Variants in PTPN13 observed in about 807,000 individuals in gnomAD.
The protein encoded by PTPN13 is tyrosine-protein phosphatase non-receptor type 13.
PTPN13 carries 191 observed loss-of-function variants against 284.0 expected under a neutral mutation model. The observed-to-expected ratio is 0.67, with a 90% CI of 0.60 to 0.76. The LOEUF (loss-of-function observed/expected upper bound fraction) is 0.76, where lower values mean the gene tolerates loss of function less well. Among genes scored for constraint, PTPN13 ranks in the 30% least tolerant of loss-of-function variants. PTPN13 has a pLI of 0.00. For missense variants in PTPN13, 2,797 were observed against 2,939.9 expected (o/e 0.95, Z 1.12); for synonymous variants, 986 against 1,022.3 (o/e 0.96, Z 0.68).
chr4:86,715,986 T>C (rs1394141998), intron 7 of PTPN13, among the ~76,000 whole-genome samples: 2 of 152,208 alleles, frequency 1.3e-5, no homozygotes, highest in Non-Finnish European at 2.9e-5. Context: ...TCCAAATGCT[T>C]ATCTTATTCT....
At chr4:86,693,096 CTT>C (rs1730212369) in intron 5 of PTPN13, among the ~76,000 whole-genome samples, 1 of 134,794 alleles carries the variant, frequency 7.4e-6, no homozygotes, top group African/African-American at 2.7e-5. Flanking sequence ...AAAAAAAAGA[CTT>C]AGCATTTCAC....
Position 86,745,116 on chromosome 4 carries a change from G to T in PTPN13, c.2638G>T (p.Ala880Ser), listed in dbSNP as rs61757791. The T allele has an allele frequency of 3.3e-4, 526 of 1,609,952 alleles. 2 individuals are homozygous for T. In the African/African-American group the frequency reaches 3.6e-3, roughly 11 times the overall value. ...QMRARQSNQD[A>S]QDIERASFRS... Reference sequence around the variant, plus strand: ...GAGAGCAAGACAGAGCAACCAAGATGCCCAAGATATTGGTAAGGAGAAGCA... The same window carrying T: ...GAGAGCAAGACAGAGCAACCAAGATTCCCAAGATATTGGTAAGGAGAAGCA... Residue 880 changes from alanine to serine, a missense_variant, in exon 17 of 48, where the codon GCC (alanine) becomes TCC (serine). Ala to Ser is a moderately conservative substitution (Grantham distance 99). Transcript: ENST00000411767.
intron 3 of PTPN13, among the ~76,000 whole-genome samples, chr4:86,677,747 T>C (rs891312761): frequency 6.6e-6 from 1 of 152,142 alleles, no homozygotes; most frequent in African/African-American, 2.4e-5. Flanking sequence ...CATACTATGT[T>C]CCACTAGCTA....
chr4:86,766,683 C>G, intron 27 of PTPN13, 166 bp downstream of exon 27: 3 of 451,894 alleles, frequency 6.6e-6, no homozygotes, highest in Non-Finnish European at 7.6e-6. Flanking sequence ...AATTGAAATG[C>G]AAGTATTACA....
At chr4:86,726,635 A>G (rs1734284528) in intron 10 of PTPN13, among the ~76,000 whole-genome samples, 1 of 149,356 alleles carries the variant, frequency 6.7e-6, no homozygotes, top group African/African-American at 2.4e-5. Flanking sequence ...GTGTAGAGAA[A>G]TGTTTGTGAT....
At chr4:86,763,387 T>A (rs1738930842) in intron 24 of PTPN13, among the ~76,000 whole-genome samples, 197 bp downstream of exon 24, 1 of 152,230 alleles carries the variant, frequency 6.6e-6, no homozygotes, top group African/African-American at 2.4e-5. Flanking sequence ...TTTAAATGGC[T>A]ATGACTTTGC....
At chr4:86,648,724 C>T (rs1724730887) in intron 2 of PTPN13, among the ~76,000 whole-genome samples, 1 of 152,078 alleles carries the variant, frequency 6.6e-6, no homozygotes, top group Non-Finnish European at 1.5e-5. Context: ...CACTGATTTC[C>T]TTTGTTTTGG....
intron 2 of PTPN13, among the ~76,000 whole-genome samples, chr4:86,667,988 A>G (rs987958333): frequency 5.3e-5 from 8 of 152,224 alleles, no homozygotes; most frequent in Admixed American, 4.6e-4. Context: ...ATGGATGAAC[A>G]TAAAATGATC....
intron 9 of PTPN13, among the ~76,000 whole-genome samples, chr4:86,717,641 A>G (rs566716208): frequency 6.6e-5 from 10 of 152,248 alleles, no homozygotes; most frequent in Middle Eastern, 3.4e-3. Context: ...GGCTCTAATT[A>G]TTTATAGTTG....
chr4:86,785,333 A>G lies in PTPN13; in HGVS notation c.6221A>G (p.Asn2074Ser), dbSNP rs370519337. The G allele has an allele frequency of 1.9e-6, 3 of 1,611,738 alleles. No homozygotes were observed. Among genetic ancestry groups the G allele is most frequent in the Non-Finnish European group, 2.5e-6 (3 of 1,178,586 alleles). Reference sequence around the variant, plus strand: ...GATGAGGAAGCCCAGAATCTTTTAAACGAAAATAATGCAGCAGGATACTCC... The same window carrying G: ...GATGAGGAAGCCCAGAATCTTTTAAGCGAAAATAATGCAGCAGGATACTCC... ...VVDEEAQNLLNENNAAGYSCG... is the reference protein window; with the variant it reads ...VVDEEAQNLLSENNAAGYSCG... Residue 2074 changes from asparagine (N) to serine (S), a missense_variant, in exon 39 of 48, where the codon AAC becomes AGC. Coordinates refer to ENST00000411767, the MANE Select transcript of PTPN13 (RefSeq NM_080683.3).
chr4:86,710,927 T>C (rs1323868324), intron 7 of PTPN13, among the ~76,000 whole-genome samples: 1 of 151,696 alleles, frequency 6.6e-6, no homozygotes, highest in Non-Finnish European at 1.5e-5. Context: ...AATTCTTTGT[T>C]TTTTGGTTTT....
chr4:86,638,970 A>G (rs1176175062), intron 2 of PTPN13, among the ~76,000 whole-genome samples: 1 of 152,226 alleles, frequency 6.6e-6, no homozygotes, highest in Non-Finnish European at 1.5e-5. Flanking sequence ...CAATGAACTC[A>G]AACAAATTTA....
chr4:86,675,366 G>C (rs1728163432), intron 3 of PTPN13, among the ~76,000 whole-genome samples: 1 of 152,206 alleles, frequency 6.6e-6, no homozygotes, highest in Non-Finnish European at 1.5e-5. Flanking sequence ...AAGGTCAGAA[G>C]AGTAGCCATA....
chr4:86,814,063 A>G (rs1745531257), intron 47 of PTPN13, among the ~76,000 whole-genome samples: 2 of 127,642 alleles, frequency 1.6e-5, no homozygotes, highest in South Asian at 2.4e-4. Context: ...GCTGGAGTGC[A>G]GTGGCACAAT....
At chr4:86,699,382 T>TC (rs1004126551) in intron 6 of PTPN13, among the ~76,000 whole-genome samples, 10 of 147,600 alleles carry the variant, frequency 6.8e-5, no homozygotes, top group African/African-American at 2.5e-4. Context: ...CGAGACTCTA[T>TC]CCCCCCTCCA....
At chr4:86,754,637 A>T (rs1737771255) in intron 20 of PTPN13, among the ~76,000 whole-genome samples, 1 of 152,096 alleles carries the variant, frequency 6.6e-6, no homozygotes, top group East Asian at 1.9e-4. Context: ...AGACCTCCTC[A>T]TAATGTGATC....
chr4:86,721,038 A>T (rs192256993), intron 9 of PTPN13, among the ~76,000 whole-genome samples: 1 of 151,940 alleles, frequency 6.6e-6, no homozygotes, highest in Admixed American at 6.6e-5. Context: ...CTGCTTGTTG[A>T]GGTAACCTTT....
chr4:86,793,119 ATG>A (rs1742879111), intron 40 of PTPN13, among the ~76,000 whole-genome samples: 1 of 123,384 alleles, frequency 8.1e-6, no homozygotes, highest in African/African-American at 3.0e-5. Flanking sequence ...GACCCATCTC[ATG>A]TGCAATGACG....
intron 1 of PTPN13, among the ~76,000 whole-genome samples, chr4:86,619,457 A>T (rs576000492): frequency 2.6e-5 from 4 of 152,340 alleles, no homozygotes; most frequent in African/African-American, 7.2e-5. Flanking sequence ...AGTTTTTAAA[A>T]AATCTAATTT....
Sources: gnomAD v4.1 joint callset for allele counts (sites outside exome capture counted in the v4.1 genomes callset) on GRCh38, gnomAD v4.1.1 for gene constraint, MANE v1.5 for transcripts, NCBI Gene and HGNC (gene_info 2026-07-23, HGNC 2026-07-21) for gene names.